Variants in EPB41L3 observed in about 807,000 individuals in gnomAD.
The protein encoded by EPB41L3 is band 4.1-like protein 3.
Under a neutral mutation model 127.1 loss-of-function variants are expected in EPB41L3, and 57 were observed. That is an observed-to-expected ratio of 0.45 (90% CI 0.36 to 0.56). EPB41L3 has a LOEUF of 0.56. Among genes scored for constraint, EPB41L3 ranks in the 20% least tolerant of loss-of-function variants. The probability of loss-of-function intolerance (pLI) is 0.00; values close to 1 mark genes in which losing one functional copy is unlikely to be tolerated. For missense variants in EPB41L3, 1,273 were observed against 1,372.2 expected, an observed-to-expected ratio of 0.93 and a Z score of 1.14; for synonymous variants, 572 against 549.5, an observed-to-expected ratio of 1.04 and a Z score of -0.57.
At chr18:5,452,555 A>G (rs533983844) in intron 3 of EPB41L3, among the ~76,000 whole-genome samples, 68 of 152,260 alleles carry the variant, frequency 4.5e-4, no homozygotes, top group African/African-American at 1.6e-3. Context: ...TCTTCTGTAG[A>G]GATGGGGTCT....
intron 1 of EPB41L3, among the ~76,000 whole-genome samples, chr18:5,496,219 T>C (rs151007282): frequency 5.1e-4 from 78 of 152,362 alleles, no homozygotes; most frequent in African/African-American, 1.7e-3. Flanking sequence ...AAATATAGTT[T>C]AGAATATATA....
intron 3 of EPB41L3, among the ~76,000 whole-genome samples, chr18:5,564,136 T>G (rs2094168743): frequency 6.6e-6 from 1 of 152,162 alleles, no homozygotes; most frequent in African/African-American, 2.4e-5. Flanking sequence ...CAGGGCGATT[T>G]CAGTTGAGTT....
intron 1 of EPB41L3, among the ~76,000 whole-genome samples, chr18:5,532,126 A>G: frequency 6.6e-6 from 1 of 152,204 alleles, no homozygotes; most frequent in Admixed American, 6.5e-5. Flanking sequence ...GAAGGGGTGC[A>G]AACAAAAAGA....
intron 3 of EPB41L3, among the ~76,000 whole-genome samples, chr18:5,465,688 C>G (rs147221903): frequency 8.1e-4 from 124 of 152,190 alleles, no homozygotes; most frequent in African/African-American, 2.9e-3. Context: ...TCACAACAAC[C>G]CTGTGAGCTC....
intron 1 of EPB41L3, among the ~76,000 whole-genome samples, chr18:5,520,647 G>A (rs1598586528): frequency 1.3e-5 from 2 of 151,606 alleles, no homozygotes; most frequent in Admixed American, 1.3e-4. Flanking sequence ...AAATAAAAAG[G>A]GGCAACCACA....
intron 7 of EPB41L3, 68 bp downstream of exon 7, chr18:5,433,835 A>G (rs1238310392): frequency 2.7e-6 from 4 of 1,507,650 alleles, no homozygotes; most frequent in Non-Finnish European, 3.7e-6. Context: ...TACTGGGAAG[A>G]GGTGGGTTGT....
chr18:5,489,110 G>T lies in EPB41L3; in HGVS notation c.74C>A (p.Ala25Glu). Residue 25 changes from alanine to glutamate, a missense_variant, in exon 2 of 23, where the codon GCG becomes GAG. Physicochemically the swap from Ala to Glu is moderately radical, Grantham distance 107 (BLOSUM62 -1). This residue lies in a region of EPB41L3 where 182 missense variants were observed against 149.2 expected (regional missense o/e 1.22). Coordinates refer to ENST00000341928, the MANE Select transcript of EPB41L3 (RefSeq NM_012307.5). ...CACGGGCGCCCCCGCGCGCCCCTGC[G>T]CCCCCGCCGCCTCCTGGGGCTCGGC... Reference protein sequence around the residue: ...QEAEPQEAAGAQGRAGAPVPE... With the variant: ...QEAEPQEAAGEQGRAGAPVPE... 6.3e-7 allele frequency: 1 copy of T among 1,594,178 alleles called. No homozygotes were observed.
rs189971858 is a variant in EPB41L3 at position 5,430,044 on chromosome 18, G to A, written c.913-1579C>T. Among the ~76,000 whole-genome samples the A allele has an allele frequency of 8.5e-5, 13 of 152,190 alleles. No individual in the cohort carries two copies. The East Asian group carries it at 2.5e-3, about 29-fold the overall frequency. ...AGGAAGTGTACCTTTAACCTACTGAGGGAAAGGACATTCGAAACCTTTTCC... is the reference window on the plus strand; with the variant it reads ...AGGAAGTGTACCTTTAACCTACTGAAGGAAAGGACATTCGAAACCTTTTCC... On this transcript the variant is annotated intron_variant, in intron 8 of 22. Transcript: ENST00000341928.
Position 5,424,243 on chromosome 18 carries a change from C to A in EPB41L3, c.1163+19G>T. 6.6e-7 allele frequency: 1 copy of A among 1,522,668 alleles called. No homozygotes were observed. Among genetic ancestry groups the A allele is most frequent in the Non-Finnish European group, 8.8e-7 (1 of 1,132,996 alleles). 94.3% of individuals were successfully genotyped at this position (1,522,668 alleles called of 1,614,324 possible). A position where few individuals can be genotyped will look rare whatever the true frequency, so the allele number is the denominator to read the frequency against. On this transcript the variant is annotated intron_variant, in intron 10 of 22. Transcript: ENST00000341928. ...TTATAATTATTCCTTAGGGAAAAAA[C>A]AAAATAATCTCTTCCTACCTGAAAA...
chr18:5,401,081 G>T, intron 16 of EPB41L3: 2 of 1,381,438 alleles, frequency 1.4e-6, no homozygotes. Flanking sequence ...AGAAGAGGAA[G>T]TAGACAGTTT....
At chr18:5,569,888 T>A (rs1357914141) in intron 3 of EPB41L3, among the ~76,000 whole-genome samples, 1 of 152,240 alleles carries the variant, frequency 6.6e-6, no homozygotes, top group African/African-American at 2.4e-5. Context: ...TCCTTTCAAA[T>A]GTGTAGTCAA....
chr18:5,498,490 A>T (rs1169963872), intron 1 of EPB41L3, among the ~76,000 whole-genome samples: 1 of 146,532 alleles, frequency 6.8e-6, no homozygotes, highest in African/African-American at 2.5e-5. Context: ...GCTACTTGGG[A>T]GGCTGAGTAA....
chr18:5,457,169 C>T (rs776694954), intron 3 of EPB41L3, among the ~76,000 whole-genome samples: 2 of 73,980 alleles, frequency 2.7e-5, no homozygotes, highest in African/African-American at 6.9e-5. Context: ...ACAGCCTTTT[C>T]CTGTAAGCAA....
At chr18:5,394,853 G>T in intron 21 of EPB41L3, 60 bp from the exon 22 acceptor site, 1 of 1,492,924 alleles carries the variant, frequency 6.7e-7, no homozygotes, top group Non-Finnish European at 9.3e-7. Flanking sequence ...TGCATGATCA[G>T]TGGTGAGGTG....
At position 5,492,289 on chromosome 18, in the gene EPB41L3, C is replaced by CAAGGTTCCCTTCTCTTTTG. The variant is rs1555757225; in HGVS notation, c.-11-3096_-11-3095insCAAAAGAGAAGGGAACCTT. The stretch of plus-strand genomic sequence containing the variant: ...GAGCCGAGATTGCACCACTGCACTC[C>CAAGGTTCCCTTCTCTTTTG]AGCCTGGGTGACACAGAGAGACTCG... On this transcript the variant is annotated intron_variant, in intron 1 of 22. Transcript: ENST00000341928. Among the ~76,000 whole-genome samples, 40 of 147,250 alleles carry CAAGGTTCCCTTCTCTTTTG rather than the reference C, an allele frequency of 2.7e-4. 1 individual carries two copies. Among genetic ancestry groups the CAAGGTTCCCTTCTCTTTTG allele is most frequent in the African/African-American group, 8.6e-4 (32 of 37,382 alleles).
chr18:5,428,550 A>T, intron 8 of EPB41L3, 85 bp from the exon 9 acceptor site: 1 of 1,502,184 alleles, frequency 6.7e-7, no homozygotes, highest in Non-Finnish European at 9.1e-7. Flanking sequence ...CATCCACGAC[A>T]GAAACTATAA....
chr18:5,393,520 C>A (rs1333160798), intron 22 of EPB41L3, 42 bp from the exon 23 acceptor site: 7 of 699,894 alleles, frequency 1.0e-5, no homozygotes, highest in Non-Finnish European at 1.8e-5. Context: ...TTGAAAACAA[C>A]TGAAAGATTT....
intron 1 of EPB41L3, among the ~76,000 whole-genome samples, chr18:5,531,748 A>C (rs1217076003): frequency 9.2e-5 from 14 of 151,618 alleles, no homozygotes; most frequent in Non-Finnish European, 1.5e-5. Flanking sequence ...AAAAAAAAAA[A>C]AAAAGGAAGA....
chr18:5,449,557 C>T (rs2082001348), intron 3 of EPB41L3, among the ~76,000 whole-genome samples: 1 of 152,298 alleles, frequency 6.6e-6, no homozygotes, highest in Admixed American at 6.5e-5. Flanking sequence ...TCATAATTGC[C>T]AAAACTTGGA....
Sources: allele counts gnomAD v4.1 joint callset (sites outside exome capture counted in the v4.1 genomes callset), GRCh38; gene constraint gnomAD v4.1.1; regional missense constraint gnomAD v4.1.1; transcripts MANE v1.5; gene names NCBI Gene and HGNC (gene_info 2026-07-23, HGNC 2026-07-21).